The following TUSC3 variants were observed in gnomAD, a reference collection of about 807,000 sequenced individuals.
TUSC3 encodes tumor suppressor candidate 3, also known as dolichyl-diphosphooligosaccharide--protein glycosyltransferase subunit TUSC3.
Under a neutral mutation model 44.8 loss-of-function variants are expected in TUSC3, and 45 were observed. The observed-to-expected ratio is 1.00, with a 90% CI of 0.79 to 1.29. The LOEUF (loss-of-function observed/expected upper bound fraction) is 1.29, where lower values mean the gene tolerates loss of function less well. Among genes scored for constraint, TUSC3 ranks in the 50% most tolerant of loss-of-function variants. The probability of loss-of-function intolerance (pLI) is 0.00; values close to 1 mark genes in which losing one functional copy is unlikely to be tolerated. For synonymous variants in TUSC3, 212 were observed against 152.9 expected (o/e 1.39, Z -2.85); for missense variants, 519 against 437.9 (o/e 1.19, Z -1.65).
intron 2 of TUSC3, among the ~76,000 whole-genome samples, chr8:15,626,219 G>A (rs1288678308): frequency 6.6e-6 from 1 of 152,154 alleles, no homozygotes; most frequent in Non-Finnish European, 1.5e-5. Context: ...CCCTGTCCCT[G>A]GTCACTGCTG....
intron 1 of TUSC3, among the ~76,000 whole-genome samples, chr8:15,476,529 A>G (rs1440004781): frequency 6.6e-6 from 1 of 152,150 alleles, no homozygotes; most frequent in Non-Finnish European, 1.5e-5. Context: ...TTACAAAGGA[A>G]TTTATTCTAC....
At chr8:15,438,779 C>T (rs1276779054) in intron 1 of TUSC3, among the ~76,000 whole-genome samples, 1 of 152,164 alleles carries the variant, frequency 6.6e-6, no homozygotes, top group African/African-American at 2.4e-5. Context: ...GGGTAAATTT[C>T]TCCTGACAAT....
At chr8:15,807,265 G>C in the TUSC3 span, 2 of 602,690 alleles carry the variant, frequency 3.3e-6, no homozygotes, top group Non-Finnish European at 6.0e-6. Context: ...ATCTTTGCTT[G>C]TCTAAAGATG....
At chr8:15,799,510 G>A in the TUSC3 span, among the ~76,000 whole-genome samples, 8 of 152,164 alleles carry the variant, frequency 5.3e-5, no homozygotes, top group African/African-American at 1.9e-4. Flanking sequence ...TTTGTTAGAT[G>A]TTTTGAACCT....
chr8:15,592,933 C>G (rs1038525730), intron 1 of TUSC3, among the ~76,000 whole-genome samples: 1 of 152,072 alleles, frequency 6.6e-6, no homozygotes, highest in African/African-American at 2.4e-5. Flanking sequence ...CGTTTTGGTT[C>G]TTGAGCCCAT....
intron 2 of TUSC3, among the ~76,000 whole-genome samples, chr8:15,512,310 G>A (rs551852768): frequency 1.1e-4 from 16 of 152,230 alleles, no homozygotes; most frequent in African/African-American, 3.6e-4. Context: ...TCCATTGAAG[G>A]TTTTAACAGA....
intron 2 of TUSC3, among the ~76,000 whole-genome samples, chr8:15,516,371 C>G (rs1018977251): frequency 3.9e-5 from 6 of 152,140 alleles, no homozygotes; most frequent in Admixed American, 2.0e-4. Context: ...TAGCTGACTT[C>G]TTGCAGACCA....
the TUSC3 span, among the ~76,000 whole-genome samples, chr8:15,820,344 GCT>G: frequency 4.7e-5 from 5 of 106,526 alleles, no homozygotes; most frequent in African/African-American, 1.1e-4. Flanking sequence ...ACAGATTCTT[GCT>G]CTGTCGCCAA....
chr8:15,810,905 G>A, the TUSC3 span, among the ~76,000 whole-genome samples: 8 of 152,080 alleles, frequency 5.3e-5, no homozygotes, highest in Admixed American at 2.0e-4. Flanking sequence ...AGACAGGACC[G>A]CTGACACCAG....
At chr8:15,673,693 ATT>A in intron 5 of TUSC3, 52 bp from the exon 6 acceptor site, 1 of 1,352,578 alleles carries the variant, frequency 7.4e-7, no homozygotes, top group Non-Finnish European at 1.1e-6. Context: ...TTAGAAATGC[ATT>A]ATTCTGGTAT....
At chr8:15,468,362 A>G (rs1402960575) in intron 1 of TUSC3, among the ~76,000 whole-genome samples, 2 of 152,188 alleles carry the variant, frequency 1.3e-5, no homozygotes, top group Non-Finnish European at 2.9e-5. Flanking sequence ...CTCTTTGGAC[A>G]AGAACACTGA....
At chr8:15,529,984 A>T in intron 2 of TUSC3, among the ~76,000 whole-genome samples, 1 of 114,492 alleles carries the variant, frequency 8.7e-6, no homozygotes, top group Non-Finnish European at 1.7e-5. Flanking sequence ...ACGGGGTTTC[A>T]CCTTGTTAGC....
chr8:15,639,171 G>A (rs1204393347), intron 2 of TUSC3, among the ~76,000 whole-genome samples: 3 of 151,412 alleles, frequency 2.0e-5, no homozygotes, highest in Admixed American at 6.6e-5. Context: ...GTCGATGCTA[G>A]ATCACGTGAT....
At chr8:15,845,828 G>C in the TUSC3 span, among the ~76,000 whole-genome samples, 2 of 152,250 alleles carry the variant, frequency 1.3e-5, no homozygotes, top group South Asian at 4.1e-4. Context: ...ATCTGTAACA[G>C]AATTACAAAA....
chr8:15,523,700 G>GTATATATATATATA (rs1373439598), intron 2 of TUSC3, among the ~76,000 whole-genome samples: 3 of 103,268 alleles, frequency 2.9e-5, no homozygotes, highest in African/African-American at 1.3e-4. Flanking sequence ...GTGTGTGTGT[G>GTATATATATATATA]TGTGTGTGTA....
At chr8:15,450,685 A>C (rs1349458439) in intron 1 of TUSC3, among the ~76,000 whole-genome samples, 2 of 152,176 alleles carry the variant, frequency 1.3e-5, no homozygotes, top group African/African-American at 4.8e-5. Flanking sequence ...TAAATAAGTA[A>C]AAATAATAAA....
intron 3 of TUSC3, among the ~76,000 whole-genome samples, chr8:15,659,250 C>T (rs1214762797): frequency 6.6e-6 from 1 of 151,980 alleles, no homozygotes; most frequent in Admixed American, 6.6e-5. Flanking sequence ...AAATGACTTA[C>T]AAAATATACA....
intron 1 of TUSC3, among the ~76,000 whole-genome samples, chr8:15,465,986 A>C (rs939434256): frequency 2.6e-5 from 4 of 152,226 alleles, no homozygotes; most frequent in Admixed American, 2.0e-4. Context: ...ACTCAAATTC[A>C]AATGTTAAAA....
intron 7 of TUSC3, among the ~76,000 whole-genome samples, chr8:15,738,827 C>CTTTCTTTT (rs1811047839): frequency 3.4e-5 from 3 of 87,200 alleles, no homozygotes; most frequent in South Asian, 3.8e-4. Context: ...ATATATCTTG[C>CTTTCTTTT]TTTTTTTTTT....
Sources: allele counts gnomAD v4.1 joint callset (sites outside exome capture counted in the v4.1 genomes callset), GRCh38; gene constraint gnomAD v4.1.1; transcripts MANE v1.5; gene names NCBI Gene and HGNC (gene_info 2026-07-23, HGNC 2026-07-21).